MTMR7: variants seen among roughly 807,000 people sequenced by gnomAD.
The protein encoded by MTMR7 is phosphatidylinositol-3-phosphate phosphatase MTMR7.
In MTMR7, 76 loss-of-function variants were observed where a neutral mutation model predicts 81.2. That is an observed-to-expected ratio of 0.94 (90% CI 0.78 to 1.13). The LOEUF is 1.13. Among genes scored for constraint, MTMR7 ranks in the 50% most tolerant of loss-of-function variants. MTMR7 has a pLI of 0.00. For synonymous variants in MTMR7, 372 were observed against 289.8 expected (o/e 1.28, Z -2.88); for missense variants, 1,044 against 820.0 (o/e 1.27, Z -3.34).
intron 3 of MTMR7, among the ~76,000 whole-genome samples, chr8:17,364,133 C>T (rs1292867579): frequency 1.3e-5 from 2 of 149,964 alleles, no homozygotes; most frequent in Admixed American, 6.7e-5. Flanking sequence ...GGGTTCACGC[C>T]ATTCTCCTGC....
chr8:17,409,595 A>C (rs1052869495), intron 1 of MTMR7, among the ~76,000 whole-genome samples: 32 of 152,230 alleles, frequency 2.1e-4, no homozygotes, highest in Non-Finnish European at 3.5e-4. Context: ...AAGGGTGAAC[A>C]AAATATAATC....
At chr8:17,385,811 C>T (rs1045537755) in intron 1 of MTMR7, among the ~76,000 whole-genome samples, 2 of 152,140 alleles carry the variant, frequency 1.3e-5, no homozygotes, top group Non-Finnish European at 1.5e-5. Flanking sequence ...TGTGGCCTCC[C>T]GGCAGCAGAT....
rs144516793 is a variant in MTMR7, at chr8:17,343,454, G to A, written c.598-1957C>T. On this transcript the variant is annotated intron_variant, in intron 5 of 13. Transcript: ENST00000180173. Reference sequence around the variant, plus strand: ...AAAAAAAAAAGAAATATTAGTTAAGGACAGCTGCCACCAGACAATCTTAGA... The same window carrying A: ...AAAAAAAAAAGAAATATTAGTTAAGAACAGCTGCCACCAGACAATCTTAGA... 2.6e-5 allele frequency among the ~76,000 whole-genome samples: 4 copies of A among 152,158 alleles called. No individual in the cohort carries two copies. In the East Asian group the frequency reaches 5.8e-4, roughly 22 times the overall value.
intron 7 of MTMR7, among the ~76,000 whole-genome samples, chr8:17,325,032 G>A (rs2239865): frequency 0.39 from 59,857 of 151,904 alleles, 13,244 homozygotes; most frequent in African/African-American, 0.6. Context: ...AAAGGGCTGA[G>A]TCCATCTTCC....
At chr8:17,353,590 C>G (rs1214177619) in intron 4 of MTMR7, among the ~76,000 whole-genome samples, 2 of 152,150 alleles carry the variant, frequency 1.3e-5, no homozygotes, top group Non-Finnish European at 2.9e-5. Flanking sequence ...TTTCAAACAC[C>G]TCAGTATGCC....
At chr8:17,405,394 C>G (rs1046173629) in intron 1 of MTMR7, among the ~76,000 whole-genome samples, 1 of 152,150 alleles carries the variant, frequency 6.6e-6, no homozygotes, top group Non-Finnish European at 1.5e-5. Flanking sequence ...CACGCTCCCC[C>G]TCCCAAGTCT....
chr8:17,379,187 G>A (rs181791325), intron 1 of MTMR7, among the ~76,000 whole-genome samples: 6 of 152,280 alleles, frequency 3.9e-5, no homozygotes, highest in Admixed American at 2.6e-4. Flanking sequence ...GGAACATGGG[G>A]GCACTGGTGG....
intron 1 of MTMR7, among the ~76,000 whole-genome samples, chr8:17,392,176 T>C (rs1267005296): frequency 6.6e-6 from 1 of 152,114 alleles, no homozygotes; most frequent in Non-Finnish European, 1.5e-5. Context: ...GCAATAAAAA[T>C]AAGCTTTAAA....
intron 1 of MTMR7, among the ~76,000 whole-genome samples, chr8:17,407,156 A>T (rs1384876745): frequency 6.6e-6 from 1 of 152,112 alleles, no homozygotes; most frequent in Non-Finnish European, 1.5e-5. Context: ...CACACACTAT[A>T]CACACACACT....
At chr8:17,311,763 G>A (rs1563322448) in intron 8 of MTMR7, 127 bp from the exon 9 acceptor site, 5 of 1,426,530 alleles carry the variant, frequency 3.5e-6, no homozygotes, top group Non-Finnish European at 4.8e-6. Flanking sequence ...CTGTCCATTC[G>A]TCTGTTTAGG....
intron 6 of MTMR7, among the ~76,000 whole-genome samples, chr8:17,334,063 G>A (rs887478556): frequency 1.3e-5 from 2 of 152,204 alleles, no homozygotes; most frequent in African/African-American, 4.8e-5. Flanking sequence ...TGGGAGAACT[G>A]ATTGGTAATC....
At chr8:17,313,003 T>C (rs1426420170) in intron 8 of MTMR7, among the ~76,000 whole-genome samples, 3 of 152,212 alleles carry the variant, frequency 2.0e-5, no homozygotes, top group Non-Finnish European at 4.4e-5. Flanking sequence ...TCACATTTGG[T>C]TGTATTCTAC....
intron 4 of MTMR7, among the ~76,000 whole-genome samples, chr8:17,357,544 A>C (rs1819930803): frequency 7.4e-6 from 1 of 135,562 alleles, no homozygotes; most frequent in African/African-American, 3.0e-5. Context: ...AAAAGAACAT[A>C]AAACACCTTT....
Position 17,361,159 on chromosome 8 carries a change from A to C in MTMR7, c.426T>G (p.Pro142=), listed in dbSNP as rs1820047684. The C allele has an allele frequency of 1.2e-6, 2 of 1,614,084 alleles. No individual in the cohort carries two copies. The highest frequency in any genetic ancestry group is 2.7e-5 in the African/African-American group (2 of 74,938). Residue 142 remains proline (P), a synonymous_variant, in exon 4 of 14, where the codon CCT becomes CCG. Coordinates refer to ENST00000180173, the MANE Select transcript of MTMR7 (RefSeq NM_004686.5). The stretch of plus-strand genomic sequence containing the variant: ...CATCGCTGAGCTGCCAGTAATGATT[A>C]GGGAGGCCCATCCGCGTGTATTCTT... The part of the protein sequence containing the change: ...LSEEYTRMGL[P]NHYWQLSDVN...
At chr8:17,335,158 G>C (rs1038333704) in intron 6 of MTMR7, among the ~76,000 whole-genome samples, 1 of 152,168 alleles carries the variant, frequency 6.6e-6, no homozygotes, top group African/African-American at 2.4e-5. Flanking sequence ...TAAGGAGCGA[G>C]CAGAGAGGGA....
rs142421963 is a variant in MTMR7, at chr8:17,299,946, C to A, written c.1899G>T (p.Arg633=). 6.2e-7 allele frequency: 1 copy of A among 1,614,158 alleles called. No homozygotes were observed. Among genetic ancestry groups the A allele is most frequent in the South Asian group, 1.1e-5 (1 of 91,086 alleles). ...GTGCATGCTCACCACCACTTGGAGA[C>A]CGACAGCTCAAATCCTCCACCCCGG... ...QESGVEDLSC[R]SPSGGEHAPS... Residue 633 remains arginine, a synonymous_variant, in exon 14 of 14, where the codon CGG becomes CGT. Transcript: ENST00000180173.
At chr8:17,383,752 C>G (rs926298015) in intron 1 of MTMR7, among the ~76,000 whole-genome samples, 2 of 151,660 alleles carry the variant, frequency 1.3e-5, no homozygotes, top group Non-Finnish European at 2.9e-5. Flanking sequence ...TTTCTCTTGT[C>G]TGGAGGGGCA....
chr8:17,374,314 CA>C (rs1206365278), intron 1 of MTMR7, among the ~76,000 whole-genome samples: 11 of 152,114 alleles, frequency 7.2e-5, no homozygotes, highest in African/African-American at 2.4e-4. Flanking sequence ...GGTGAAATCC[CA>C]CGTCTCTACT....
intron 1 of MTMR7, among the ~76,000 whole-genome samples, chr8:17,404,368 G>C (rs747007760): frequency 6.6e-6 from 1 of 152,124 alleles, no homozygotes. Context: ...GGTGTGAAGC[G>C]AGAGGGAATT....
Sources: gnomAD v4.1 joint callset for allele counts (sites outside exome capture counted in the v4.1 genomes callset) on GRCh38, gnomAD v4.1.1 for gene constraint, MANE v1.5 for transcripts, NCBI Gene and HGNC (gene_info 2026-07-23, HGNC 2026-07-21) for gene names.